TAS1R1: variants seen among roughly 807,000 people sequenced by gnomAD.
The protein encoded by TAS1R1 is taste 1 receptor member 1.
In TAS1R1, 31 loss-of-function variants were observed where a neutral mutation model predicts 45.8. That is an observed-to-expected ratio of 0.68 (90% confidence interval 0.51 to 0.91). The LOEUF (loss-of-function observed/expected upper bound fraction) is 0.91. TAS1R1 is among the 40% of genes least tolerant of loss of function. TAS1R1 has a pLI of 0.00. For synonymous variants in TAS1R1, 437 were observed against 448.4 expected (o/e 0.97, Z 0.32); for missense variants, 1,051 against 1,063.9 (o/e 0.99, Z 0.17).
chr1:6,565,303 G>T (rs145639462), intron 1 of TAS1R1, among the ~76,000 whole-genome samples: 126 of 152,146 alleles, frequency 8.3e-4, no homozygotes, highest in African/African-American at 3.0e-3. Flanking sequence ...AGGGCACTTA[G>T]TGCTCGGGAG....
At chr1:6,555,689 C>A (rs1639664272) in intron 1 of TAS1R1, 125 bp downstream of exon 1, 3 of 889,624 alleles carry the variant, frequency 3.4e-6, no homozygotes, top group Non-Finnish European at 3.3e-6. Context: ...AGGCCTTGTT[C>A]ATCAATCCAC....
chr1:6,563,624 G>A (rs182725606), intron 1 of TAS1R1, among the ~76,000 whole-genome samples: 39 of 152,280 alleles, frequency 2.6e-4, no homozygotes, highest in Non-Finnish European at 4.4e-4. Context: ...AGAGCCAGCA[G>A]TCTTCTGCTA....
At position 6,574,971 on chromosome 1, in the gene TAS1R1, C is replaced by A; in HGVS notation, c.839C>A (p.Ala280Asp). ...VVVVFSSRQL[A>D]RVFFESVVLT... Reference sequence around the variant, plus strand: ...GTTGTTTTTTCCAGCCGGCAGTTGGCCAGGGTGTTTTTCGAGTCCGTGGTG... The same window carrying A: ...GTTGTTTTTTCCAGCCGGCAGTTGGACAGGGTGTTTTTCGAGTCCGTGGTG... The change falls in exon 3 of 6, where the codon GCC becomes GAC. Residue 280 changes from alanine (A) to aspartate (D), a missense_variant. Ala to Asp is a moderately radical substitution (Grantham distance 126). Transcript: ENST00000333172. This position sits in a 1 kb window ranked among gnomAD's most constrained non-coding sequence, Gnocchi z 4.3. The A allele has an allele frequency of 1.2e-6, 2 of 1,606,478 alleles. No homozygotes were observed. Among genetic ancestry groups the A allele is most frequent in the African/African-American group, 2.7e-5 (2 of 74,818 alleles).
intron 2 of TAS1R1, among the ~76,000 whole-genome samples, chr1:6,571,624 A>C (rs1356237910): frequency 6.6e-6 from 1 of 152,168 alleles, no homozygotes; most frequent in African/African-American, 2.4e-5. Context: ...GTTCGAGACC[A>C]GCCTGGCCAG....
At position 6,555,319 on chromosome 1, in the gene TAS1R1, C is replaced by G. The variant is rs1304431219; in HGVS notation, c.-55C>G. ...CGGCAGCTGCCTTCTATTTAAGCAACTGGCCTCCTTAGAGGCCACTCCTTG... is the reference window on the plus strand; with the variant it reads ...CGGCAGCTGCCTTCTATTTAAGCAAGTGGCCTCCTTAGAGGCCACTCCTTG... On this transcript the variant is annotated 5_prime_UTR_variant, in exon 1 of 6. Coordinates refer to ENST00000333172, the MANE Select transcript of TAS1R1 (RefSeq NM_138697.4). 8 of 1,469,380 alleles carry G rather than the reference C, an allele frequency of 5.4e-6. No individual in the cohort carries two copies. The Admixed American group carries it at 1.6e-4, about 29-fold the overall frequency. The allele number at this position is 1,469,380 out of a possible 1,614,324, so 91.0% of individuals were successfully genotyped here.
At chr1:6,564,334 C>G (rs1200663017) in intron 1 of TAS1R1, among the ~76,000 whole-genome samples, 1 of 152,010 alleles carries the variant, frequency 6.6e-6, no homozygotes, top group African/African-American at 2.4e-5. Flanking sequence ...GCCTGGTCGG[C>G]TTGTTCGTGG....
intron 1 of TAS1R1, among the ~76,000 whole-genome samples, chr1:6,566,788 GGTTTCACCGT>G (rs1210094316): frequency 1.3e-5 from 2 of 152,190 alleles, no homozygotes; most frequent in African/African-American, 4.8e-5. Flanking sequence ...GTAGAGACGG[GGTTTCACCGT>G]GTTAGCCAGG....
At chr1:6,564,789 T>C (rs926612373) in intron 1 of TAS1R1, among the ~76,000 whole-genome samples, 6 of 152,202 alleles carry the variant, frequency 3.9e-5, no homozygotes, top group Non-Finnish European at 1.5e-5. Context: ...CAGAAATGCT[T>C]CTACCCGCTC....
intron 5 of TAS1R1, 47 bp from the exon 6 acceptor site, chr1:6,578,606 A>G (rs1487492290): frequency 5.9e-6 from 9 of 1,521,946 alleles, no homozygotes; most frequent in Non-Finnish European, 1.8e-6. Context: ...TCCTATTCCT[A>G]CTCTGCTCAT....
chr1:6,575,282 A>G lies in TAS1R1; in HGVS notation c.1150A>G (p.Ser384Gly). The G allele has an allele frequency of 6.2e-7, 1 of 1,613,178 alleles. No individual in the cohort carries two copies. The highest frequency in any genetic ancestry group is 8.5e-7 in the Non-Finnish European group (1 of 1,180,016). Residue 384 changes from serine to glycine, a missense_variant, in exon 3 of 6, where the codon AGT becomes GGT. Transcript: ENST00000333172. Reference sequence around the variant, plus strand: ...GCCCAAGCTCAAAGCCTTCTCCATGAGTTCTGCCTACAACGCATACCGGGC... The same window carrying G: ...GCCCAAGCTCAAAGCCTTCTCCATGGGTTCTGCCTACAACGCATACCGGGC... The part of the protein sequence containing the change: ...TMPKLKAFSM[S>G]SAYNAYRAVY...
At chr1:6,559,998 C>CAAAAAA (rs58759461) in intron 1 of TAS1R1, among the ~76,000 whole-genome samples, 2 of 97,870 alleles carry the variant, frequency 2.0e-5, no homozygotes, top group African/African-American at 8.0e-5. Flanking sequence ...AACTCTGTCT[C>CAAAAAA]AAAAAAAAAA....
chr1:6,558,644 G>T (rs962827420), intron 1 of TAS1R1, among the ~76,000 whole-genome samples: 1 of 151,910 alleles, frequency 6.6e-6, no homozygotes, highest in African/African-American at 2.4e-5. Flanking sequence ...CACTTGAACC[G>T]GGGTGGCAGA....
intron 2 of TAS1R1, among the ~76,000 whole-genome samples, chr1:6,572,578 C>A (rs1640046131): frequency 6.6e-6 from 1 of 152,070 alleles, no homozygotes; most frequent in Non-Finnish European, 1.5e-5. Flanking sequence ...TTTGACCAGT[C>A]CTCCTATGAG....
At position 6,575,406 on chromosome 1, in the gene TAS1R1, C is replaced by T. The variant is rs765440127; in HGVS notation, c.1260+14C>T. ...TACCCCTGGCAGGTAAGAGAGCCCA[C>T]CCCAGCACCTCCTGTCAGGGAGAAC... On this transcript the variant is annotated intron_variant, in intron 3 of 5. Coordinates refer to ENST00000333172, the MANE Select transcript of TAS1R1 (RefSeq NM_138697.4). The T allele has an allele frequency of 6.5e-7, 1 of 1,536,068 alleles. No individual in the cohort carries two copies. The highest frequency in any genetic ancestry group is 8.7e-7 in the Non-Finnish European group (1 of 1,144,902).
chr1:6,566,414 C>T (rs1639872494), intron 1 of TAS1R1, among the ~76,000 whole-genome samples: 1 of 152,036 alleles, frequency 6.6e-6, no homozygotes, highest in Admixed American at 6.6e-5. Context: ...GGAGGACTGC[C>T]TGATTAATGG....
intron 1 of TAS1R1, among the ~76,000 whole-genome samples, chr1:6,556,079 G>A (rs12030005): frequency 3.3e-5 from 5 of 152,050 alleles, no homozygotes; most frequent in Non-Finnish European, 5.9e-5. Context: ...CACCGTGTTA[G>A]CCAGAATGGT....
intron 1 of TAS1R1, among the ~76,000 whole-genome samples, chr1:6,568,279 C>G (rs1467253309): frequency 2.0e-5 from 3 of 151,778 alleles, no homozygotes; most frequent in Non-Finnish European, 4.4e-5. Flanking sequence ...GAAACCCCAT[C>G]TCTACTAAAA....
At chr1:6,559,772 C>A (rs936729279) in intron 1 of TAS1R1, among the ~76,000 whole-genome samples, 2 of 151,494 alleles carry the variant, frequency 1.3e-5, no homozygotes, top group African/African-American at 4.9e-5. Flanking sequence ...GGATGGATCA[C>A]CTGAGGTCAG....
rs926097699 is a variant in TAS1R1 at position 6,576,569 on chromosome 1, C to T, written c.1415C>T (p.Ser472Phe). 6.2e-7 allele frequency: 1 copy of T among 1,614,254 alleles called. No homozygotes were observed. Among genetic ancestry groups the T allele is most frequent in the Non-Finnish European group, 8.5e-7 (1 of 1,180,050 alleles). ...TFTVLGSSTW[S>F]PVQLNINETK... Reference sequence around the variant, plus strand: ...ACGGTCCTCGGTTCCTCCACATGGTCTCCAGTTCAGCTAAACATAAATGAG... The same window carrying T: ...ACGGTCCTCGGTTCCTCCACATGGTTTCCAGTTCAGCTAAACATAAATGAG... Residue 472 changes from serine (S) to phenylalanine (F), a missense_variant, in exon 4 of 6, where the codon TCT (serine) becomes TTT (phenylalanine). By Grantham distance (155) the Ser-to-Phe change is radical (BLOSUM62 -2). Coordinates refer to ENST00000333172, the MANE Select transcript of TAS1R1 (RefSeq NM_138697.4).
Sources: gnomAD v4.1 joint callset for allele counts (sites outside exome capture counted in the v4.1 genomes callset) on GRCh38, gnomAD v4.1.1 for gene constraint, Gnocchi (gnomAD v3.1) non-coding constraint, MANE v1.5 for transcripts, NCBI Gene and HGNC (gene_info 2026-07-23, HGNC 2026-07-21) for gene names.